The following MTUS2 variants were observed in gnomAD, a reference collection of about 807,000 sequenced individuals.
MTUS2 encodes the protein microtubule-associated tumor suppressor candidate 2.
In MTUS2, 40 loss-of-function variants were observed where a neutral mutation model predicts 114.1. The observed-to-expected ratio is 0.35, with a 90% confidence interval of 0.27 to 0.46. The LOEUF (loss-of-function observed/expected upper bound fraction) is 0.46. Among genes scored for constraint, MTUS2 ranks in the 20% least tolerant of loss-of-function variants. MTUS2 has a pLI of 1.00. For synonymous variants in MTUS2, 688 were observed against 672.0 expected (o/e 1.02, Z -0.37); for missense variants, 1,679 against 1,705.4 (o/e 0.98, Z 0.27).
rs59726006 is a variant in MTUS2 at position 29,195,539 on chromosome 13, G to GAA, written c.2645-86144_2645-86143dup. 2.9e-3 allele frequency among the ~76,000 whole-genome samples: 227 copies of GAA among 78,434 alleles called. 2 individuals are homozygous for GAA. Among genetic ancestry groups the GAA allele is most frequent in the African/African-American group, 7.0e-3 (166 of 23,558 alleles). 51.5% of individuals were successfully genotyped at this position (78,434 alleles called of 152,430 possible). On this transcript the variant is annotated intron_variant, in intron 5 of 15. Transcript: ENST00000612955. ...CCATCACAGATTAAAACTTAATTCT[G>GAA]AAAAAAAAAAAAAAAAAAAAAAGAG...
chr13:28,970,487 A>G (rs1003781193), intron 2 of MTUS2, among the ~76,000 whole-genome samples: 15 of 152,220 alleles, frequency 9.9e-5, no homozygotes, highest in Non-Finnish European at 2.2e-4. Context: ...CTGCAACAGC[A>G]GTTTAGTTAC....
chr13:29,281,304 T>C (rs749592931), intron 5 of MTUS2, among the ~76,000 whole-genome samples: 2 of 152,120 alleles, frequency 1.3e-5, no homozygotes, highest in Non-Finnish European at 2.9e-5. Flanking sequence ...ACGCTGTATT[T>C]CAAAAATAAA....
At chr13:28,969,127 G>GAACTTCTGGGCTCAGGTAATCCTTCCACC (rs1289786126) in intron 2 of MTUS2, among the ~76,000 whole-genome samples, 11 of 152,022 alleles carry the variant, frequency 7.2e-5, no homozygotes. Flanking sequence ...CTGCATCCTT[G>GAACTTCTGGGCTCAGGTAATCCTTCCACC]AACTTCTGGG....
intron 2 of MTUS2, among the ~76,000 whole-genome samples, chr13:29,006,250 C>T (rs1446970887): frequency 6.6e-6 from 1 of 152,150 alleles, no homozygotes; most frequent in Non-Finnish European, 1.5e-5. Context: ...GCACTCTGCA[C>T]CAGATGCTGT....
At chr13:28,858,146 T>C (rs1418568615) in intron 2 of MTUS2, among the ~76,000 whole-genome samples, 5 of 152,096 alleles carry the variant, frequency 3.3e-5, no homozygotes, top group African/African-American at 1.2e-4. Context: ...TGCTTGGGAG[T>C]TTCAGGATGT....
intron 5 of MTUS2, among the ~76,000 whole-genome samples, chr13:29,109,936 T>G (rs1890816877): frequency 1.3e-5 from 2 of 152,202 alleles, no homozygotes; most frequent in African/African-American, 4.8e-5. Flanking sequence ...TCTGAGTGAG[T>G]GTTAAGCTAA....
At chr13:29,296,381 A>T (rs9550456) in intron 6 of MTUS2, among the ~76,000 whole-genome samples, 5,096 of 149,574 alleles carry the variant, frequency 0.034, 282 homozygotes, top group African/African-American at 0.12. Flanking sequence ...ATTAAAAAAA[A>T]TTTTTTTTTT....
intron 4 of MTUS2, among the ~76,000 whole-genome samples, chr13:29,048,378 G>T (rs1887733619): frequency 1.3e-5 from 2 of 152,128 alleles, no homozygotes; most frequent in African/African-American, 2.4e-5. Context: ...TTCTCATTAT[G>T]GGTTGTATAA....
chr13:29,002,686 T>G (rs1885437260), intron 2 of MTUS2, among the ~76,000 whole-genome samples: 1 of 152,212 alleles, frequency 6.6e-6, no homozygotes, highest in Non-Finnish European at 1.5e-5. Flanking sequence ...TAGATCGTCA[T>G]GCTGAGTTCA....
chr13:29,469,471 C>T (rs1880112758), intron 9 of MTUS2, among the ~76,000 whole-genome samples: 1 of 151,760 alleles, frequency 6.6e-6, no homozygotes, highest in Admixed American at 6.6e-5. Flanking sequence ...ACTAAAAATA[C>T]AAAAAATTAG....
intron 5 of MTUS2, among the ~76,000 whole-genome samples, chr13:29,143,620 G>A (rs7982169): frequency 0.9 from 137,353 of 152,258 alleles, 61,984 homozygotes; most frequent in Admixed American, 0.93. Flanking sequence ...TATTTGTGCA[G>A]ATTTCCTCAT....
At chr13:29,364,805 C>A (rs752396375) in intron 8 of MTUS2, among the ~76,000 whole-genome samples, 1 of 152,198 alleles carries the variant, frequency 6.6e-6, no homozygotes, top group Non-Finnish European at 1.5e-5. Flanking sequence ...TTGAAAACAT[C>A]AAGCTCTTTG....
intron 7 of MTUS2, among the ~76,000 whole-genome samples, chr13:29,348,700 A>G (rs1868956407): frequency 6.6e-6 from 1 of 152,206 alleles, no homozygotes; most frequent in Admixed American, 6.5e-5. Context: ...TCCTTTGTCA[A>G]TTTTATCAGC....
chr13:29,040,052 T>C (rs1887275078), intron 4 of MTUS2, among the ~76,000 whole-genome samples: 1 of 152,156 alleles, frequency 6.6e-6, no homozygotes, highest in Admixed American at 6.5e-5. Context: ...ATTTCTGAGG[T>C]CTTGGTGCAC....
chr13:29,279,103 T>C (rs1490237414), intron 5 of MTUS2, among the ~76,000 whole-genome samples: 1 of 152,202 alleles, frequency 6.6e-6, no homozygotes, highest in African/African-American at 2.4e-5. Context: ...TTTAAAAAAT[T>C]TCCTGGCTTT....
intron 5 of MTUS2, among the ~76,000 whole-genome samples, chr13:29,208,086 T>C (rs1477822598): frequency 6.6e-6 from 1 of 152,092 alleles, no homozygotes; most frequent in East Asian, 1.9e-4. Context: ...ATTTTTTTAT[T>C]ATCATTTCAG....
chr13:29,416,227 C>A (rs1185277075), intron 8 of MTUS2, among the ~76,000 whole-genome samples: 1 of 151,806 alleles, frequency 6.6e-6, no homozygotes, highest in African/African-American at 2.4e-5. Flanking sequence ...CCATGCCTGG[C>A]CACCAGTTTT....
At chr13:29,258,381 A>G (rs956224834) in intron 5 of MTUS2, among the ~76,000 whole-genome samples, 2 of 152,036 alleles carry the variant, frequency 1.3e-5, no homozygotes, top group African/African-American at 4.8e-5. Flanking sequence ...TGCTTCCAGG[A>G]GGAAAAAAAA....
At chr13:29,137,996 C>T (rs1892055795) in intron 5 of MTUS2, among the ~76,000 whole-genome samples, 1 of 152,126 alleles carries the variant, frequency 6.6e-6, no homozygotes, top group Non-Finnish European at 1.5e-5. Context: ...GGGGGAACAA[C>T]ATAGGGAGGA....
Sources: gnomAD v4.1 joint callset for allele counts (sites outside exome capture counted in the v4.1 genomes callset) on GRCh38, gnomAD v4.1.1 for gene constraint, MANE v1.5 for transcripts, NCBI Gene and HGNC (gene_info 2026-07-23, HGNC 2026-07-21) for gene names.